Variants in KCNAB1 observed in about 807,000 individuals in gnomAD.
KCNAB1 encodes potassium voltage-gated channel subfamily A regulatory beta subunit 1, also known as voltage-gated potassium channel subunit beta-1.
In KCNAB1, 35 loss-of-function variants were observed where a neutral mutation model predicts 64.6. That is an observed-to-expected ratio of 0.54 (90% CI 0.41 to 0.72). KCNAB1 has a LOEUF of 0.72. Ranked by LOEUF, KCNAB1 falls within the 30% of genes least tolerant of loss-of-function variation. The pLI is 0.00. For missense variants in KCNAB1, 401 were observed against 512.9 expected (o/e 0.78, Z 2.11); for synonymous variants, 177 against 183.8 (o/e 0.96, Z 0.30).
intron 1 of KCNAB1, among the ~76,000 whole-genome samples, chr3:156,362,638 T>G (rs1441188750): frequency 6.6e-6 from 1 of 152,206 alleles, no homozygotes; most frequent in Non-Finnish European, 1.5e-5. Context: ...TAGAACAGTG[T>G]GGGACACAGA....
intron 12 of KCNAB1, among the ~76,000 whole-genome samples, chr3:156,524,476 G>A (rs1457510288): frequency 2.0e-5 from 3 of 152,136 alleles, no homozygotes; most frequent in Admixed American, 1.3e-4. Context: ...GGCTGGGCAC[G>A]GTGGCTCATG....
chr3:156,457,803 T>C (rs1371520135), intron 4 of KCNAB1, among the ~76,000 whole-genome samples: 1 of 152,138 alleles, frequency 6.6e-6, no homozygotes, highest in African/African-American at 2.4e-5. Context: ...CATGTCTATG[T>C]GAGGGGCAGC....
At chr3:156,406,003 T>C (rs1714222380) in intron 1 of KCNAB1, among the ~76,000 whole-genome samples, 1 of 152,220 alleles carries the variant, frequency 6.6e-6, no homozygotes, top group South Asian at 2.1e-4. Flanking sequence ...CCCATTAGTA[T>C]CTTGGTGAGA....
At chr3:156,195,638 G>C (rs1321194788) in intron 1 of KCNAB1, among the ~76,000 whole-genome samples, 1 of 151,846 alleles carries the variant, frequency 6.6e-6, no homozygotes, top group Admixed American at 6.6e-5. Context: ...GGGGTTGTTT[G>C]ATTTTTTCTT....
At chr3:156,163,984 C>A (rs878985272) in intron 1 of KCNAB1, among the ~76,000 whole-genome samples, 1 of 152,150 alleles carries the variant, frequency 6.6e-6, no homozygotes, top group South Asian at 2.1e-4. Context: ...CTGGTGCATA[C>A]TAATGTGCAA....
At chr3:156,221,780 C>CCA (rs1560144007) in intron 1 of KCNAB1, among the ~76,000 whole-genome samples, 4 of 147,576 alleles carry the variant, frequency 2.7e-5, no homozygotes, top group Non-Finnish European at 6.0e-5. Flanking sequence ...CTCCATCCCC[C>CCA]CCCGCCAAAA....
intron 1 of KCNAB1, among the ~76,000 whole-genome samples, chr3:156,321,458 TC>T (rs1477734400): frequency 6.6e-6 from 1 of 152,338 alleles, no homozygotes; most frequent in East Asian, 1.9e-4. Flanking sequence ...GTTCAACTTG[TC>T]AGGACCAAAA....
chr3:156,469,646 C>G (rs779699670), intron 7 of KCNAB1, among the ~76,000 whole-genome samples: 1 of 152,132 alleles, frequency 6.6e-6, no homozygotes, highest in Non-Finnish European at 1.5e-5. Flanking sequence ...CAAGCTGACC[C>G]AGATTCAAAC....
intron 1 of KCNAB1, among the ~76,000 whole-genome samples, chr3:156,314,371 C>A (rs551441136): frequency 1.2e-4 from 19 of 152,270 alleles, no homozygotes; most frequent in Non-Finnish European, 2.4e-4. Flanking sequence ...TCTAATATAA[C>A]GCTCCCAACT....
Position 156,533,659 on chromosome 3 carries a change from C to T in KCNAB1, c.1170+2162C>T, listed in dbSNP as rs147955472. Among the ~76,000 whole-genome samples the T allele has an allele frequency of 2.0e-3, 307 of 152,118 alleles. 2 individuals carry two copies. The highest frequency in any genetic ancestry group is 6.8e-3 in the African/African-American group (281 of 41,490). ...TAGAATGAAGGGCAAGGGCAGTCAT[C>T]CAGGCAGGAGGCGATGGTGGCTTGA... On this transcript the variant is annotated intron_variant, in intron 13 of 13. Coordinates refer to ENST00000490337, the MANE Select transcript of KCNAB1 (RefSeq NM_172160.3).
chr3:156,390,090 G>A (rs1384739160), intron 1 of KCNAB1, among the ~76,000 whole-genome samples: 2 of 152,160 alleles, frequency 1.3e-5, no homozygotes, highest in Non-Finnish European at 2.9e-5. Context: ...ATAACACAAG[G>A]GGGAACTGGG....
At chr3:156,506,168 A>G (rs1385372686) in intron 8 of KCNAB1, among the ~76,000 whole-genome samples, 2 of 152,172 alleles carry the variant, frequency 1.3e-5, no homozygotes, top group Non-Finnish European at 2.9e-5. Flanking sequence ...TCGTATGTTG[A>G]TTTTGTGTCC....
At chr3:156,198,297 A>G (rs938686119) in intron 1 of KCNAB1, among the ~76,000 whole-genome samples, 3 of 152,152 alleles carry the variant, frequency 2.0e-5, no homozygotes, top group African/African-American at 4.8e-5. Flanking sequence ...GTAGATGTCT[A>G]TTAGGTCTGC....
chr3:156,167,339 T>C (rs1277607669), intron 1 of KCNAB1, among the ~76,000 whole-genome samples: 2 of 152,142 alleles, frequency 1.3e-5, no homozygotes, highest in Non-Finnish European at 2.9e-5. Flanking sequence ...CATCTACAGT[T>C]ATGAGGCATG....
intron 1 of KCNAB1, among the ~76,000 whole-genome samples, chr3:156,409,366 T>C (rs992005499): frequency 2.0e-5 from 3 of 152,268 alleles, no homozygotes; most frequent in Admixed American, 1.3e-4. Flanking sequence ...GATTCTATAG[T>C]TGCCATGCAG....
At chr3:156,427,935 A>G (rs1715930170) in intron 2 of KCNAB1, among the ~76,000 whole-genome samples, 1 of 152,150 alleles carries the variant, frequency 6.6e-6, no homozygotes, top group South Asian at 2.1e-4. Flanking sequence ...GGGAGGTAAC[A>G]CACCACAATG....
intron 6 of KCNAB1, 36 bp downstream of exon 6, chr3:156,463,782 G>A (rs1713126506): frequency 6.6e-7 from 1 of 1,523,856 alleles, no homozygotes. Context: ...AAAACAACTA[G>A]TAGTTCATGC....
intron 1 of KCNAB1, among the ~76,000 whole-genome samples, chr3:156,421,068 T>C (rs1389424156): frequency 6.6e-6 from 1 of 151,436 alleles, no homozygotes; most frequent in East Asian, 1.9e-4. Flanking sequence ...GTTATTTTAA[T>C]AATTCACATC....
rs869199207 is a variant in KCNAB1 at position 156,464,486 on chromosome 3, AAT to A, written c.527+742_527+743del. ...ATCTTTGAGACAGAAATCGCAAAAA[AAT>A]AATAATAATAATAATAATAATGCTG... is the stretch of plus-strand genomic sequence containing the variant. On this transcript the variant is annotated intron_variant, in intron 6 of 13. Transcript: ENST00000490337. Among the ~76,000 whole-genome samples, 28 of 139,468 alleles carry A rather than the reference AAT, an allele frequency of 2.0e-4. 1 individual carries two copies. The highest frequency in any genetic ancestry group is 6.5e-4 in the African/African-American group (24 of 36,726). 91.5% of individuals were successfully genotyped at this position (139,468 alleles called of 152,430 possible). A position where few individuals can be genotyped will look rare whatever the true frequency, so the allele number is the denominator to read the frequency against.
Sources: allele counts gnomAD v4.1 joint callset (sites outside exome capture counted in the v4.1 genomes callset), GRCh38; gene constraint gnomAD v4.1.1; transcripts MANE v1.5; gene names NCBI Gene and HGNC (gene_info 2026-07-23, HGNC 2026-07-21).